The following PPP3CA variants were observed in gnomAD, a reference collection of about 807,000 sequenced individuals.
The protein encoded by PPP3CA is CAM-PRP catalytic subunit.
A neutral mutation model predicts 66.5 loss-of-function variants in PPP3CA; 14 were observed. That is an observed-to-expected ratio of 0.21 (90% CI 0.14 to 0.33). The LOEUF is 0.33. Ranked by LOEUF, PPP3CA falls within the 10% of genes least tolerant of loss-of-function variation. The probability of loss-of-function intolerance (pLI) is 1.00; values close to 1 mark genes in which losing one functional copy is unlikely to be tolerated. For missense variants in PPP3CA, 317 were observed against 639.5 expected (o/e 0.50, Z 5.44); for synonymous variants, 232 against 226.2 (o/e 1.03, Z -0.23).
intron 8 of PPP3CA, among the ~76,000 whole-genome samples, chr4:101,079,353 G>A (rs1006154708): frequency 6.0e-5 from 9 of 150,946 alleles, no homozygotes; most frequent in African/African-American, 1.9e-4. Context: ...GTTATTTGAC[G>A]CTTTTTTCCT....
chr4:101,136,466 G>A (rs868657469), intron 2 of PPP3CA, among the ~76,000 whole-genome samples: 5 of 151,998 alleles, frequency 3.3e-5, no homozygotes, highest in South Asian at 2.1e-4. Flanking sequence ...GCTTGAACCC[G>A]GGAGGCAGAG....
chr4:101,052,840 TA>T (rs201479688), intron 10 of PPP3CA, among the ~76,000 whole-genome samples: 9 of 152,146 alleles, frequency 5.9e-5, no homozygotes, highest in Admixed American at 3.9e-4. Flanking sequence ...CATAAAAGTT[TA>T]TTTTTTGGCT....
At chr4:101,290,763 T>G (rs560015337) in intron 1 of PPP3CA, among the ~76,000 whole-genome samples, 1 of 152,124 alleles carries the variant, frequency 6.6e-6, no homozygotes, top group African/African-American at 2.4e-5. Flanking sequence ...AGGTATGTGG[T>G]TGCAACTTAA....
chr4:101,104,923 A>G (rs1730593718), intron 3 of PPP3CA, among the ~76,000 whole-genome samples: 1 of 152,142 alleles, frequency 6.6e-6, no homozygotes, highest in Non-Finnish European at 1.5e-5. Context: ...TTAATTAAAG[A>G]GCTGTTTTTG....
At chr4:101,302,040 T>C (rs1728395387) in intron 1 of PPP3CA, among the ~76,000 whole-genome samples, 1 of 152,158 alleles carries the variant, frequency 6.6e-6, no homozygotes, top group South Asian at 2.1e-4. Context: ...AAGGGTATAC[T>C]TTTTTAGATA....
At chr4:101,068,538 TA>T (rs1401348458) in intron 8 of PPP3CA, among the ~76,000 whole-genome samples, 1 of 152,120 alleles carries the variant, frequency 6.6e-6, no homozygotes, top group African/African-American at 2.4e-5. Flanking sequence ...TCATAAAGAT[TA>T]CTTTTTGGGG....
chr4:101,187,601 G>A (rs1329173043), intron 2 of PPP3CA, among the ~76,000 whole-genome samples: 1 of 152,150 alleles, frequency 6.6e-6, no homozygotes, highest in Admixed American at 6.6e-5. Context: ...CACCTTTGAA[G>A]GAGTTGGCCT....
chr4:101,146,995 A>G (rs1200847192), intron 2 of PPP3CA, among the ~76,000 whole-genome samples: 1 of 152,144 alleles, frequency 6.6e-6, no homozygotes, highest in African/African-American at 2.4e-5. Flanking sequence ...ATCTCATTTA[A>G]TTTGTATAAC....
In PPP3CA at chr4:101,255,470, T is replaced by C. The variant is rs368171811; in HGVS notation, c.59-59354A>G. Among the ~76,000 whole-genome samples, 250 of 151,992 alleles carry C rather than the reference T, an allele frequency of 1.6e-3. 3 individuals are homozygous for C. Among genetic ancestry groups the C allele is most frequent in the African/African-American group, 5.7e-3 (237 of 41,528 alleles). ...AACATAAATTGTTCACTAGCACTTA[T>C]GATATACAAAGATGTGCACTAGAAG... On this transcript the variant is annotated intron_variant, in intron 1 of 13. Transcript: ENST00000394854.
chr4:101,327,567 C>T (rs1490231964), intron 1 of PPP3CA, among the ~76,000 whole-genome samples: 1 of 151,748 alleles, frequency 6.6e-6, no homozygotes, highest in African/African-American at 2.4e-5. Context: ...CCATGTACTA[C>T]CACTGGAATG....
chr4:101,070,231 T>G (rs114223259), intron 8 of PPP3CA, among the ~76,000 whole-genome samples: 1 of 152,124 alleles, frequency 6.6e-6, no homozygotes, highest in Non-Finnish European at 1.5e-5. Context: ...CTTAATTGTG[T>G]TGTTTGAAGA....
rs1730677472 is a variant in PPP3CA at position 101,106,373 on chromosome 4, A to AAAAGAAAGAAAAGAAAGAAAGAAAG, written c.384+2580_384+2581insCTTTCTTTCTTTCTTTTCTTTCTTT. 2.8e-4 allele frequency among the ~76,000 whole-genome samples: 4 copies of AAAAGAAAGAAAAGAAAGAAAGAAAG among 14,080 alleles called. 2 individuals are homozygous for AAAAGAAAGAAAAGAAAGAAAGAAAG. The highest frequency in any genetic ancestry group is 1.2e-3 in the African/African-American group (4 of 3,386). 9.2% of individuals were successfully genotyped at this position (14,080 alleles called of 152,430 possible). The stretch of plus-strand genomic sequence containing the variant: ...AGACCCTGTCTCATTTAAAAGAGAG[A>AAAAGAAAGAAAAGAAAGAAAGAAAG]AAAGAAAGAAAGAAAGAAAGAAAGA... On this transcript the variant is annotated intron_variant, in intron 3 of 13. Transcript: ENST00000394854.
chr4:101,032,523 A>AATTT (rs1437304968), intron 11 of PPP3CA, among the ~76,000 whole-genome samples, 159 bp from the exon 12 acceptor site: 1 of 152,072 alleles, frequency 6.6e-6, no homozygotes, highest in Non-Finnish European at 1.5e-5. Flanking sequence ...ACTTTATTTT[A>AATTT]ATTTATTTAT....
chr4:101,096,484 T>C (rs750944712), intron 5 of PPP3CA, among the ~76,000 whole-genome samples: 1 of 152,166 alleles, frequency 6.6e-6, no homozygotes, highest in Non-Finnish European at 1.5e-5. Flanking sequence ...AATAGCCTTA[T>C]CCTTTCTATT....
intron 1 of PPP3CA, among the ~76,000 whole-genome samples, chr4:101,317,309 T>C (rs1728913493): frequency 6.9e-6 from 1 of 144,798 alleles, no homozygotes; most frequent in South Asian, 2.1e-4. Context: ...GCCCTAAATT[T>C]CTCCAATAGT....
intron 2 of PPP3CA, among the ~76,000 whole-genome samples, chr4:101,183,859 T>C (rs1724321755): frequency 6.6e-6 from 1 of 152,144 alleles, no homozygotes; most frequent in African/African-American, 2.4e-5. Context: ...CAACCCTACC[T>C]GATTCATCAT....
intron 1 of PPP3CA, among the ~76,000 whole-genome samples, chr4:101,220,298 C>T (rs1725583427): frequency 2.5e-5 from 1 of 40,250 alleles, no homozygotes; most frequent in African/African-American, 2.4e-4. Flanking sequence ...CTTGACAGCA[C>T]GTTTTTTTTT....
At chr4:101,214,433 T>C (rs1200620322) in intron 1 of PPP3CA, among the ~76,000 whole-genome samples, 7 of 152,074 alleles carry the variant, frequency 4.6e-5, no homozygotes, top group African/African-American at 1.7e-4. Context: ...TGAGACTTCA[T>C]AAAGTGAGAG....
chr4:101,073,518 G>T (rs1226549436), intron 8 of PPP3CA, among the ~76,000 whole-genome samples: 2 of 151,890 alleles, frequency 1.3e-5, no homozygotes, highest in Non-Finnish European at 2.9e-5. Flanking sequence ...CTCATGATCT[G>T]CCCGCCTCAG....
Sources: allele counts gnomAD v4.1 joint callset (sites outside exome capture counted in the v4.1 genomes callset), GRCh38; gene constraint gnomAD v4.1.1; transcripts MANE v1.5; gene names NCBI Gene and HGNC (gene_info 2026-07-23, HGNC 2026-07-21).